CNBD1: variants seen among roughly 807,000 people sequenced by gnomAD.
CNBD1 encodes the protein cyclic nucleotide binding domain containing 1, also known as cyclic nucleotide-binding domain-containing protein 1.
CNBD1 carries 71 observed loss-of-function variants against 54.4 expected under a neutral mutation model. The ratio of observed to expected loss-of-function variants is 1.30; its 90% CI spans 1.08 to 1.59. CNBD1 has a LOEUF of 1.59. Among genes scored for constraint, CNBD1 ranks in the 40% most tolerant of loss-of-function variants. The pLI is 0.00. For missense variants in CNBD1, 659 were observed against 518.0 expected (o/e 1.27, Z -2.64); for synonymous variants, 182 against 170.7 (o/e 1.07, Z -0.51).
intron 4 of CNBD1, among the ~76,000 whole-genome samples, chr8:87,059,186 G>A (rs1466283887): frequency 6.6e-6 from 1 of 152,158 alleles, no homozygotes; most frequent in African/African-American, 2.4e-5. Context: ...ATCACTGTTA[G>A]CAGTTTGGGC....
chr8:86,938,117 T>C (rs577476461), intron 3 of CNBD1, among the ~76,000 whole-genome samples: 1 of 152,138 alleles, frequency 6.6e-6, no homozygotes, highest in African/African-American at 2.4e-5. Context: ...GTGCTATAGA[T>C]CTCTAGGGAA....
At chr8:86,979,342 G>C (rs898177208) in intron 4 of CNBD1, among the ~76,000 whole-genome samples, 1 of 126,044 alleles carries the variant, frequency 7.9e-6, no homozygotes, top group African/African-American at 3.0e-5. Context: ...AAAATTGGCA[G>C]ATCACTTGAG....
intron 4 of CNBD1, among the ~76,000 whole-genome samples, chr8:86,972,618 A>G (rs1467999731): frequency 6.6e-6 from 1 of 151,750 alleles, no homozygotes; most frequent in Non-Finnish European, 1.5e-5. Flanking sequence ...AGATACACAG[A>G]CACACACACA....
chr8:87,002,190 A>T (rs1051792002), intron 4 of CNBD1, among the ~76,000 whole-genome samples: 2 of 152,138 alleles, frequency 1.3e-5, no homozygotes, highest in African/African-American at 4.8e-5. Context: ...GTGTGTCCAG[A>T]ATCTAATCCA....
At chr8:86,883,933 C>T (rs1217149794) in intron 1 of CNBD1, among the ~76,000 whole-genome samples, 3 of 151,954 alleles carry the variant, frequency 2.0e-5, no homozygotes, top group Non-Finnish European at 1.5e-5. Flanking sequence ...GGGCGGATCA[C>T]GAGGTCAGGA....
chr8:86,886,644 A>G (rs891060868), intron 1 of CNBD1, among the ~76,000 whole-genome samples: 1 of 152,220 alleles, frequency 6.6e-6, no homozygotes, highest in Admixed American at 6.5e-5. Context: ...AGAAGTAAAA[A>G]CAGATAAGTT....
At chr8:87,188,450 C>A (rs1447403432) in intron 4 of CNBD1, among the ~76,000 whole-genome samples, 1 of 152,110 alleles carries the variant, frequency 6.6e-6, no homozygotes, top group African/African-American at 2.4e-5. Context: ...ATGAAGGAGG[C>A]TCGGTGCGGT....
chr8:87,393,981 A>T (rs183596727), intron 2 of CNBD1, among the ~76,000 whole-genome samples: 5 of 152,016 alleles, frequency 3.3e-5, no homozygotes, highest in Non-Finnish European at 5.9e-5. Flanking sequence ...CACTTACTTG[A>T]GTAAATGACC....
intron 2 of CNBD1, among the ~76,000 whole-genome samples, chr8:87,425,275 C>T (rs1215243211): frequency 6.6e-6 from 1 of 152,048 alleles, no homozygotes; most frequent in Non-Finnish European, 1.5e-5. Context: ...AATGTCCTCC[C>T]GTAGCTCAGA....
chr8:86,997,379 A>G (rs956702474), intron 4 of CNBD1, among the ~76,000 whole-genome samples: 2 of 152,160 alleles, frequency 1.3e-5, no homozygotes, highest in African/African-American at 4.8e-5. Flanking sequence ...GTACACTAGG[A>G]GGAAGTTGTC....
chr8:87,333,701 A>G (rs7814145), intron 8 of CNBD1, among the ~76,000 whole-genome samples: 2 of 152,106 alleles, frequency 1.3e-5, no homozygotes, highest in African/African-American at 4.8e-5. Context: ...CCAGCCTTGC[A>G]TCTCAGGGAT....
rs1324353833 is a variant in CNBD1, at chr8:87,225,039, CTGTT to C, written c.578-11876_578-11873del. Among the ~76,000 whole-genome samples the C allele has an allele frequency of 2.6e-4, 39 of 151,846 alleles. No individual in the cohort carries two copies. In the East Asian group the frequency reaches 6.4e-3, roughly 25 times the overall value. ...GGGAGTTCACTCGTGATTTGGCTCTCTGTTTGTCTGTTGTTGGTGTATAGGAATG... is the reference window on the plus strand; with the variant it reads ...GGGAGTTCACTCGTGATTTGGCTCTCTGTCTGTTGTTGGTGTATAGGAATG... On this transcript the variant is annotated intron_variant, in intron 5 of 10. Transcript: ENST00000518476.
intron 4 of CNBD1, among the ~76,000 whole-genome samples, chr8:87,065,448 A>C (rs1200116541): frequency 6.6e-6 from 1 of 151,916 alleles, no homozygotes; most frequent in Non-Finnish European, 1.5e-5. Context: ...TGGATTTCTT[A>C]ATACAGTTTA....
chr8:87,215,419 T>C lies in CNBD1; in HGVS notation c.577+9281T>C, dbSNP rs568996500. Among the ~76,000 whole-genome samples the C allele has an allele frequency of 1.2e-4, 19 of 152,020 alleles. No individual in the cohort carries two copies. The East Asian group carries it at 3.5e-3, about 28-fold the overall frequency. Reference sequence around the variant, plus strand: ...GGCTAACATGGTGAAACCCTGTCCCTACTAAAAAAATACAAAAAATTAGCT... The same window carrying C: ...GGCTAACATGGTGAAACCCTGTCCCCACTAAAAAAATACAAAAAATTAGCT... On this transcript the variant is annotated intron_variant, in intron 5 of 10. Coordinates refer to ENST00000518476, the MANE Select transcript of CNBD1 (RefSeq NM_173538.3).
At chr8:87,180,358 ATG>A (rs1162335967) in intron 4 of CNBD1, among the ~76,000 whole-genome samples, 3 of 152,158 alleles carry the variant, frequency 2.0e-5, no homozygotes, top group Non-Finnish European at 4.4e-5. Flanking sequence ...TTACTCAATT[ATG>A]ACTTTGTATC....
At chr8:86,967,647 A>G (rs573636080) in intron 4 of CNBD1, among the ~76,000 whole-genome samples, 9 of 152,128 alleles carry the variant, frequency 5.9e-5, no homozygotes, top group African/African-American at 2.2e-4. Flanking sequence ...TCTTTCTCAG[A>G]ATTTTATCAC....
At chr8:87,202,995 A>G (rs1050374154) in intron 4 of CNBD1, among the ~76,000 whole-genome samples, 2 of 152,174 alleles carry the variant, frequency 1.3e-5, no homozygotes, top group African/African-American at 4.8e-5. Flanking sequence ...AAAATTTTTG[A>G]CCATGGGCTG....
chr8:87,300,015 A>T (rs1276065670), intron 8 of CNBD1, among the ~76,000 whole-genome samples: 2 of 152,174 alleles, frequency 1.3e-5, no homozygotes, highest in South Asian at 2.1e-4. Context: ...TAATATAGTG[A>T]AAGGGAAACA....
intron 1 of CNBD1, among the ~76,000 whole-genome samples, chr8:86,882,214 A>G (rs944021965): frequency 1.1e-4 from 16 of 152,220 alleles, no homozygotes; most frequent in African/African-American, 3.9e-4. Context: ...ACAGCAAAAG[A>G]AACTGTCAGC....
Sources: gnomAD v4.1 joint callset for allele counts (sites outside exome capture counted in the v4.1 genomes callset) on GRCh38, gnomAD v4.1.1 for gene constraint, MANE v1.5 for transcripts, NCBI Gene and HGNC (gene_info 2026-07-23, HGNC 2026-07-21) for gene names.